Variants in TRAIP observed in about 807,000 individuals in gnomAD.
The protein encoded by TRAIP is TRAF interacting protein.
In TRAIP, 37 loss-of-function variants were observed where a neutral mutation model predicts 65.0. The ratio of observed to expected loss-of-function variants is 0.57; its 90% CI spans 0.44 to 0.75. The LOEUF (loss-of-function observed/expected upper bound fraction) is 0.75, where lower values mean the gene tolerates loss of function less well. TRAIP is among the 30% of genes least tolerant of loss of function. TRAIP has a pLI of 0.00. For missense variants in TRAIP, 481 were observed against 579.4 expected, an observed-to-expected ratio of 0.83 and a Z score of 1.74; for synonymous variants, 187 against 219.1, an observed-to-expected ratio of 0.85 and a Z score of 1.29.
rs142854364 is a variant in TRAIP, at chr3:49,829,477, C to T, written c.1268G>A (p.Arg423Gln). 23 of 1,613,994 alleles carry T rather than the reference C, an allele frequency of 1.4e-5. No homozygotes were observed. Among genetic ancestry groups the T allele is most frequent in the African/African-American group, 4.0e-5 (3 of 74,904 alleles). Residue 423 changes from arginine (R) to glutamine (Q), a missense_variant, in exon 14 of 15, where the codon CGG becomes CAG. Transcript: ENST00000331456. ...GGATACAGGCTGGATGAATTTTGTC[C>T]GGCCACCGAGCCCATCGAAGCCTGT... is the stretch of plus-strand genomic sequence containing the variant. ...VRTGFDGLGG[R>Q]TKFIQPTDTV...
intron 10 of TRAIP, among the ~76,000 whole-genome samples, chr3:49,837,318 A>C (rs2081797789): frequency 6.6e-6 from 1 of 152,000 alleles, no homozygotes; most frequent in African/African-American, 2.4e-5. Flanking sequence ...ATGGTGGCTC[A>C]CGCTCGTAAT....
chr3:49,835,162 C>T (rs773027339), intron 10 of TRAIP, among the ~76,000 whole-genome samples: 5 of 152,112 alleles, frequency 3.3e-5, no homozygotes, highest in South Asian at 2.1e-4. Context: ...GAGCCGAGAT[C>T]GTGCCACTGC....
chr3:49,853,718 G>A (rs1232378952), intron 1 of TRAIP, among the ~76,000 whole-genome samples: 1 of 151,916 alleles, frequency 6.6e-6, no homozygotes, highest in African/African-American at 2.4e-5. Context: ...ACAGTGGTGT[G>A]TGCCTGTAAT....
At chr3:49,849,426 C>G (rs759402881) in intron 1 of TRAIP, among the ~76,000 whole-genome samples, 1 of 120,834 alleles carries the variant, frequency 8.3e-6, no homozygotes, top group African/African-American at 2.6e-5. Flanking sequence ...GAGATTGAGA[C>G]CATCCTGACT....
At chr3:49,833,245 T>A (rs2081751352) in intron 10 of TRAIP, among the ~76,000 whole-genome samples, 1 of 152,176 alleles carries the variant, frequency 6.6e-6, no homozygotes, top group Non-Finnish European at 1.5e-5. Flanking sequence ...AGGATCTCGC[T>A]GGGTCCTGTA....
At chr3:49,834,541 G>A (rs2081764103) in intron 10 of TRAIP, among the ~76,000 whole-genome samples, 1 of 152,206 alleles carries the variant, frequency 6.6e-6, no homozygotes, top group Non-Finnish European at 1.5e-5. Context: ...TAGAACACTA[G>A]GCAGTTAGGC....
At chr3:49,839,125 A>AGCC (rs2081814190) in intron 10 of TRAIP, among the ~76,000 whole-genome samples, 1 of 149,282 alleles carries the variant, frequency 6.7e-6, no homozygotes, top group Non-Finnish European at 1.5e-5. Flanking sequence ...GGAGGCAGAG[A>AGCC]TTGCAGTGAG....
In TRAIP at chr3:49,840,377, T is replaced by C. The variant is rs2081828505; in HGVS notation, c.706-4A>G. 6.2e-7 allele frequency: 1 copy of C among 1,613,456 alleles called. No homozygotes were observed. Among genetic ancestry groups the C allele is most frequent in the Non-Finnish European group, 8.5e-7 (1 of 1,179,510 alleles). On this transcript the variant is annotated splice_polypyrimidine_tract_variant and splice_region_variant and intron_variant, in intron 8 of 14. Coordinates refer to ENST00000331456, the MANE Select transcript of TRAIP (RefSeq NM_005879.3). ...ATTCAGAGTAGACTGTCTGCAACTA[T>C]AAGAAAGTGTAGGGAATGAAAGACA...
Position 49,828,924 on chromosome 3 carries a change from G to A in TRAIP, c.*179C>T. The A allele has an allele frequency of 1.3e-6, 1 of 786,558 alleles. No homozygotes were observed. Among genetic ancestry groups the A allele is most frequent in the South Asian group, 1.6e-5 (1 of 63,260 alleles). The allele number at this position is 786,558 out of a possible 1,614,324, so 48.7% of individuals were successfully genotyped here. The stretch of plus-strand genomic sequence containing the variant: ...TGTCAGCTCCCAGTCGTAGGAGTGG[G>A]GCAGGGTGAGGGCAGGAAGAGCAGT... On this transcript the variant is annotated 3_prime_UTR_variant, in exon 15 of 15. Coordinates refer to ENST00000331456, the MANE Select transcript of TRAIP (RefSeq NM_005879.3).
chr3:49,832,293 C>T (rs2081741018), intron 10 of TRAIP, among the ~76,000 whole-genome samples: 1 of 152,058 alleles, frequency 6.6e-6, no homozygotes, highest in African/African-American at 2.4e-5. Flanking sequence ...GAGATCAAGA[C>T]CACCCGGGCT....
At chr3:49,829,871 G>T in intron 12 of TRAIP, 105 bp from the exon 13 acceptor site, 1 of 1,583,450 alleles carries the variant, frequency 6.3e-7, no homozygotes, top group Non-Finnish European at 8.7e-7. Flanking sequence ...CTCACTAGGA[G>T]GCAGGAGGGA....
In TRAIP at chr3:49,831,883, A is replaced by C. The variant is rs374524521; in HGVS notation, c.1037+33T>G. 16 of 1,493,286 alleles carry C rather than the reference A, an allele frequency of 1.1e-5. No individual in the cohort carries two copies. In the African/African-American group the frequency reaches 1.8e-4, roughly 17 times the overall value. The allele number at this position is 1,493,286 out of a possible 1,614,324, so 92.5% of individuals were successfully genotyped here. ...GAGCTGTCTTAGCTATCCCCCTACC[A>C]GCCCATGGACAGTGCCAGCGACTAT... On this transcript the variant is annotated intron_variant, in intron 11 of 14. Coordinates refer to ENST00000331456, the MANE Select transcript of TRAIP (RefSeq NM_005879.3).
intron 11 of TRAIP, among the ~76,000 whole-genome samples, chr3:49,830,815 T>C (rs776618245): frequency 3.3e-5 from 5 of 152,206 alleles, no homozygotes; most frequent in Non-Finnish European, 5.9e-5. Context: ...CAGGGCCTGA[T>C]GACTGACTCC....
chr3:49,843,882 A>T lies in TRAIP; in HGVS notation c.327T>A (p.Asp109Glu), dbSNP rs1434765206. The change falls in exon 5 of 15, where the codon GAT (aspartate) becomes GAA (glutamate). Residue 109 changes from aspartate (D) to glutamate (E), a missense_variant. Transcript: ENST00000331456. Reference protein sequence around the residue: ...DSQVIIDTLRDTLEERNATVV... With the variant: ...DSQVIIDTLRETLEERNATVV... The stretch of plus-strand genomic sequence containing the variant: ...CAGTAGCATTGCGTTCTTCCAGCGT[A>T]TCCCGCAGAGTGTCGATGATGACCT... 12 of 1,613,652 alleles carry T rather than the reference A, an allele frequency of 7.4e-6. No individual in the cohort carries two copies. Among genetic ancestry groups the T allele is most frequent in the Non-Finnish European group, 8.5e-6 (10 of 1,179,552 alleles).
At position 49,841,914 on chromosome 3, in the gene TRAIP, G is replaced by A. The variant is rs1318543714; in HGVS notation, c.529C>T (p.Arg177Cys). The A allele has an allele frequency of 4.3e-6, 7 of 1,614,168 alleles. No individual in the cohort carries two copies. Among genetic ancestry groups the A allele is most frequent in the East Asian group, 4.5e-5 (2 of 44,882 alleles). The change falls in exon 7 of 15, where the codon CGC (arginine) becomes TGC (cysteine). Residue 177 changes from arginine to cysteine, a missense_variant. Transcript: ENST00000331456. ...CGGATCATCTCCTCCACCTCAGGGC[G>A]CTGGCTCTGGAGTAGAAGCTCAATC... is the stretch of plus-strand genomic sequence containing the variant. ...EQIELLLQSQ[R>C]PEVEEMIRDM...
In TRAIP at chr3:49,831,985, T is replaced by C; in HGVS notation, c.968A>G (p.Asp323Gly). 1.2e-6 allele frequency: 2 copies of C among 1,607,990 alleles called. No individual in the cohort carries two copies. The highest frequency in any genetic ancestry group is 3.4e-5 in the Admixed American group (2 of 59,094). Reference sequence around the variant, plus strand: ...GCTGGAGGGCCGGGCTGGGGGAGTATCCACATCAAAGGTAGCATTGAGATC... The same window carrying C: ...GCTGGAGGGCCGGGCTGGGGGAGTACCCACATCAAAGGTAGCATTGAGATC... The part of the protein sequence containing the change: ...DIDLNATFDV[D>G]TPPARPSSSQ... Residue 323 changes from aspartate to glycine, a missense_variant, in exon 11 of 15, where the codon GAT (aspartate) becomes GGT (glycine). Asp to Gly is a moderately conservative substitution (Grantham distance 94). Transcript: ENST00000331456.
chr3:49,854,514 T>C (rs1377591128), intron 1 of TRAIP, among the ~76,000 whole-genome samples: 1 of 152,050 alleles, frequency 6.6e-6, no homozygotes, highest in Non-Finnish European at 1.5e-5. Context: ...TAACCACTTA[T>C]AAATGGAAAT....
chr3:49,856,514 A>T lies in TRAIP; in HGVS notation c.-61T>A. The T allele has an allele frequency of 6.7e-7, 1 of 1,489,694 alleles. No individual in the cohort carries two copies. Among genetic ancestry groups the T allele is most frequent in the South Asian group, 1.2e-5 (1 of 83,878 alleles). 92.3% of individuals were successfully genotyped at this position (1,489,694 alleles called of 1,614,324 possible). A position where few individuals can be genotyped will look rare whatever the true frequency, so the allele number is the denominator to read the frequency against. On this transcript the variant is annotated 5_prime_UTR_variant, in exon 1 of 15. Coordinates refer to ENST00000331456, the MANE Select transcript of TRAIP (RefSeq NM_005879.3). Reference sequence around the variant, plus strand: ...AACTGCTACAGGTCCGGCTTCGTAGACGCGCCCCCGCGCCTCCGCTTGCTT... The same window carrying T: ...AACTGCTACAGGTCCGGCTTCGTAGTCGCGCCCCCGCGCCTCCGCTTGCTT...
chr3:49,846,143 G>C (rs2081880164), intron 3 of TRAIP, among the ~76,000 whole-genome samples: 1 of 152,178 alleles, frequency 6.6e-6, no homozygotes, highest in African/African-American at 2.4e-5. Flanking sequence ...TCCCACCTGA[G>C]CTGCAACTCT....
Sources: gnomAD v4.1 joint callset for allele counts (sites outside exome capture counted in the v4.1 genomes callset) on GRCh38, gnomAD v4.1.1 for gene constraint, MANE v1.5 for transcripts, NCBI Gene and HGNC (gene_info 2026-07-23, HGNC 2026-07-21) for gene names.